Variants in ANKRD62 observed in about 807,000 individuals in gnomAD.
ANKRD62 encodes the protein ankyrin repeat domain-containing protein 62.
In ANKRD62, 61 loss-of-function variants were observed where a neutral mutation model predicts 98.8. The ratio of observed to expected loss-of-function variants is 0.62; its 90% CI spans 0.50 to 0.76. ANKRD62 has a LOEUF of 0.76. Ranked by LOEUF, ANKRD62 falls within the 30% of genes least tolerant of loss-of-function variation. ANKRD62 has a pLI of 0.00. For missense variants in ANKRD62, 933 were observed against 1,082.9 expected (o/e 0.86, Z 1.94); for synonymous variants, 341 against 367.9 (o/e 0.93, Z 0.84).
At chr18:12,099,769 G>T in intron 6 of ANKRD62, 87 bp downstream of exon 6, 5 of 628,526 alleles carry the variant, frequency 8.0e-6, no homozygotes, top group East Asian at 6.8e-5. Context: ...CAAAACAGCA[G>T]TTTAAAAAAA....
At position 12,097,346 on chromosome 18, in the gene ANKRD62, T is replaced by G. The variant is rs1429580070; in HGVS notation, c.615-294T>G. 4.6e-5 allele frequency among the ~76,000 whole-genome samples: 7 copies of G among 152,332 alleles called. No individual in the cohort carries two copies. In the East Asian group the frequency reaches 1.4e-3, roughly 29 times the overall value. ...ATTTTTCACTTAAATTTTTAGCTACTTTAGATAAGTGACCTGAGCATAGTA... is the reference window on the plus strand; with the variant it reads ...ATTTTTCACTTAAATTTTTAGCTACGTTAGATAAGTGACCTGAGCATAGTA... On this transcript the variant is annotated intron_variant, in intron 4 of 13. Coordinates refer to ENST00000587848, the MANE Select transcript of ANKRD62 (RefSeq NM_001277333.2).
intron 1 of ANKRD62, among the ~76,000 whole-genome samples, 170 bp from the exon 2 acceptor site, chr18:12,095,001 C>A (rs929306172): frequency 6.6e-6 from 1 of 151,642 alleles, no homozygotes; most frequent in Admixed American, 6.6e-5. Flanking sequence ...ACCCTGGCAG[C>A]CTCAGCAGCA....
intron 10 of ANKRD62, among the ~76,000 whole-genome samples, chr18:12,120,202 C>T (rs1909755192): frequency 6.6e-6 from 1 of 152,130 alleles, no homozygotes; most frequent in South Asian, 2.1e-4. Flanking sequence ...AATTTTCTGC[C>T]TCCTTGTTCT....
At chr18:12,133,765 C>A (rs957161162), downstream of ANKRD62, among the ~76,000 whole-genome samples, 1 of 152,046 alleles carries the variant, frequency 6.6e-6, no homozygotes, top group Admixed American at 6.6e-5. Flanking sequence ...ATATTCTGAA[C>A]AAGAATGTAT....
intron 10 of ANKRD62, among the ~76,000 whole-genome samples, chr18:12,121,161 A>G (rs1909774502): frequency 6.6e-6 from 1 of 152,126 alleles, no homozygotes; most frequent in South Asian, 2.1e-4. Flanking sequence ...CATTTCTGCA[A>G]GTGTGGTTTG....
the ANKRD62 span, among the ~76,000 whole-genome samples, chr18:12,151,630 C>T: frequency 9.9e-5 from 15 of 152,138 alleles, no homozygotes; most frequent in African/African-American, 2.4e-4. Flanking sequence ...ATCAAATTAA[C>T]GACCTAACAT....
At position 12,096,176 on chromosome 18, in the gene ANKRD62, T is replaced by A; in HGVS notation, c.508-20T>A. The A allele has an allele frequency of 6.9e-7, 1 of 1,452,912 alleles. No homozygotes were observed. The highest frequency in any genetic ancestry group is 9.3e-7 in the Non-Finnish European group (1 of 1,076,294). 90.0% of individuals were successfully genotyped at this position (1,452,912 alleles called of 1,614,324 possible). Reference sequence around the variant, plus strand: ...AGTATGTAATTTTGTGAATTATAAATTGTTTTTGCTGTTTTGCAGGATGGA... The same window carrying A: ...AGTATGTAATTTTGTGAATTATAAAATGTTTTTGCTGTTTTGCAGGATGGA... On this transcript the variant is annotated intron_variant, in intron 3 of 13. Transcript: ENST00000587848.
At chr18:12,170,096 A>AT in the ANKRD62 span, among the ~76,000 whole-genome samples, 1 of 152,038 alleles carries the variant, frequency 6.6e-6, no homozygotes, top group Non-Finnish European at 1.5e-5. Context: ...GGATTCATTG[A>AT]TTTTTTGAAG....
the ANKRD62 span, among the ~76,000 whole-genome samples, chr18:12,138,638 C>T: frequency 6.6e-6 from 1 of 152,138 alleles, no homozygotes; most frequent in African/African-American, 2.4e-5. Flanking sequence ...CTAATGTTGA[C>T]AGTGGGGTGT....
At chr18:12,095,383 C>G in intron 2 of ANKRD62, 54 bp from the exon 3 acceptor site, 2 of 1,536,746 alleles carry the variant, frequency 1.3e-6, no homozygotes, top group Non-Finnish European at 1.8e-6. Context: ...GTTGGTGAAT[C>G]CTGTGGAAGA....
chr18:12,099,767 C>A, intron 6 of ANKRD62, 85 bp downstream of exon 6: 1 of 657,618 alleles, frequency 1.5e-6, no homozygotes, highest in Non-Finnish European at 2.2e-6. Flanking sequence ...CACAAAACAG[C>A]AGTTTAAAAA....
the ANKRD62 span, among the ~76,000 whole-genome samples, chr18:12,138,755 G>C: frequency 6.6e-6 from 1 of 152,174 alleles, no homozygotes. Flanking sequence ...ACATATTTAG[G>C]ATAGTTAGTT....
chr18:12,105,350 A>G (rs952481775), intron 7 of ANKRD62, among the ~76,000 whole-genome samples: 1 of 152,246 alleles, frequency 6.6e-6, no homozygotes, highest in African/African-American at 2.4e-5. Flanking sequence ...TTAAAAGTAC[A>G]TCTAGAAGAA....
At chr18:12,168,946 G>T in the ANKRD62 span, among the ~76,000 whole-genome samples, 1 of 152,116 alleles carries the variant, frequency 6.6e-6, no homozygotes, top group African/African-American at 2.4e-5. Flanking sequence ...TCTGTTACTG[G>T]TGTATAAGAA....
downstream of ANKRD62, among the ~76,000 whole-genome samples, chr18:12,131,423 GA>G (rs1387413169): frequency 6.6e-6 from 1 of 152,154 alleles, no homozygotes; most frequent in African/African-American, 2.4e-5. Flanking sequence ...TGAAAGATGT[GA>G]AAACAAACAT....
intron 10 of ANKRD62, among the ~76,000 whole-genome samples, chr18:12,120,357 T>C (rs901404787): frequency 1.3e-5 from 2 of 152,352 alleles, no homozygotes; most frequent in East Asian, 3.9e-4. Flanking sequence ...TTATATCTTC[T>C]TGATTAACTG....
the ANKRD62 span, among the ~76,000 whole-genome samples, chr18:12,169,528 G>A: frequency 6.6e-6 from 1 of 152,118 alleles, no homozygotes; most frequent in Non-Finnish European, 1.5e-5. Context: ...GCTGGTTTCT[G>A]TTTGCCAGTA....
At chr18:12,151,446 G>A in the ANKRD62 span, among the ~76,000 whole-genome samples, 4 of 152,154 alleles carry the variant, frequency 2.6e-5, no homozygotes, top group Admixed American at 6.5e-5. Flanking sequence ...AGACCTCTAC[G>A]TAATTCTGTC....
At chr18:12,169,218 A>C in the ANKRD62 span, among the ~76,000 whole-genome samples, 1 of 152,136 alleles carries the variant, frequency 6.6e-6, no homozygotes, top group Non-Finnish European at 1.5e-5. Flanking sequence ...TGCGTTTTCA[A>C]AGGGAATGTT....
Sources: allele counts gnomAD v4.1 joint callset (sites outside exome capture counted in the v4.1 genomes callset), GRCh38; gene constraint gnomAD v4.1.1; transcripts MANE v1.5; gene names NCBI Gene and HGNC (gene_info 2026-07-23, HGNC 2026-07-21).